Variants in CLHC1 observed in about 807,000 individuals in gnomAD.
CLHC1 encodes clathrin heavy chain linker domain containing 1.
CLHC1 carries 72 observed loss-of-function variants against 69.5 expected under a neutral mutation model. The observed-to-expected ratio is 1.04, with a 90% CI of 0.86 to 1.26. CLHC1 has a LOEUF of 1.26. Among genes scored for constraint, CLHC1 ranks in the 50% most tolerant of loss-of-function variants. CLHC1 has a pLI of 0.00. For missense variants in CLHC1, 790 were observed against 679.3 expected, an observed-to-expected ratio of 1.16 and a Z score of -1.81; for synonymous variants, 223 against 224.3, an observed-to-expected ratio of 0.99 and a Z score of 0.05.
chr2:55,180,662 T>G lies in CLHC1; in HGVS notation c.1232A>C (p.Gln411Pro). 7 of 1,614,068 alleles carry G rather than the reference T, an allele frequency of 4.3e-6. No individual in the cohort carries two copies. The highest frequency in any genetic ancestry group is 5.9e-6 in the Non-Finnish European group (7 of 1,179,966). The change falls in exon 11 of 13, where the codon CAG becomes CCG. Residue 411 changes from glutamine (Q) to proline (P), a missense_variant. By Grantham distance (76) the Gln-to-Pro change is moderately conservative. Transcript: ENST00000401408. ...AGDVICDYGE[Q>P]DTYNKAKCLA... Reference sequence around the variant, plus strand: ...GCACTTGGCCTTGTTATAAGTATCCTGCTCCCCATAATCACAAATCACATC... The same window carrying G: ...GCACTTGGCCTTGTTATAAGTATCCGGCTCCCCATAATCACAAATCACATC...
At chr2:55,199,773 C>G (rs1009449649) in intron 9 of CLHC1, among the ~76,000 whole-genome samples, 3 of 152,038 alleles carry the variant, frequency 2.0e-5, no homozygotes, top group African/African-American at 7.2e-5. Flanking sequence ...GAAATTCAAA[C>G]ATACCACCAG....
Position 55,223,723 on chromosome 2 carries a change from G to T in CLHC1, c.-82-1230C>A, listed in dbSNP as rs544627817. ...CACAGGCACCGCCCCCAGGAGCCTC[G>T]GCAGGGGCCTAGGACGCCCCGGTGT... On this transcript the variant is annotated intron_variant, in intron 2 of 12. Transcript: ENST00000401408. Among the ~76,000 whole-genome samples the T allele has an allele frequency of 7.4e-3, 1,121 of 152,198 alleles. 13 individuals are homozygous for T. The highest frequency in any genetic ancestry group is 0.026 in the African/African-American group (1,074 of 41,542).
At chr2:55,208,774 CAT>C in intron 7 of CLHC1, 64 bp from the exon 8 acceptor site, 1 of 1,145,744 alleles carries the variant, frequency 8.7e-7, no homozygotes, top group Non-Finnish European at 1.3e-6. Flanking sequence ...AAACAATAAA[CAT>C]ACATGTGTTT....
chr2:55,178,247 G>A (rs1300004633), intron 11 of CLHC1, among the ~76,000 whole-genome samples: 1 of 152,024 alleles, frequency 6.6e-6, no homozygotes, highest in Non-Finnish European at 1.5e-5. Flanking sequence ...CTTTCTTTCT[G>A]TGCCTTGCAC....
At chr2:55,211,181 C>T (rs925124565) in intron 5 of CLHC1, among the ~76,000 whole-genome samples, 5 of 152,018 alleles carry the variant, frequency 3.3e-5, no homozygotes, top group Non-Finnish European at 5.9e-5. Context: ...TCTTATTCGT[C>T]ATTTGCTAGT....
chr2:55,212,617 G>A (rs565457384), intron 5 of CLHC1, 56 bp downstream of exon 5: 2 of 1,374,864 alleles, frequency 1.5e-6, no homozygotes, highest in South Asian at 1.2e-5. Flanking sequence ...CATGCCTTAG[G>A]TAAAAATTGG....
intron 5 of CLHC1, among the ~76,000 whole-genome samples, chr2:55,212,235 C>G (rs1000465269): frequency 2.0e-5 from 3 of 152,298 alleles, no homozygotes; most frequent in Non-Finnish European, 2.9e-5. Flanking sequence ...CGAGATCACA[C>G]CACTGCACAC....
chr2:55,221,898 A>C (rs1013131646), intron 3 of CLHC1, among the ~76,000 whole-genome samples: 4 of 152,162 alleles, frequency 2.6e-5, no homozygotes, highest in African/African-American at 9.7e-5. Context: ...GATAACTTGA[A>C]CCCAGGAGTT....
At chr2:55,207,180 G>A (rs992371520) in intron 8 of CLHC1, among the ~76,000 whole-genome samples, 3 of 151,990 alleles carry the variant, frequency 2.0e-5, no homozygotes, top group East Asian at 1.9e-4. Context: ...AGAAGCCTAT[G>A]TTGTTCTGCC....
chr2:55,231,619 G>A (rs946805059), intron 1 of CLHC1, among the ~76,000 whole-genome samples: 1 of 152,126 alleles, frequency 6.6e-6, no homozygotes, highest in Non-Finnish European at 1.5e-5. Flanking sequence ...GAGGGCAGAG[G>A]ATGAAGAAAT....
chr2:55,182,713 A>C (rs1285986182), intron 9 of CLHC1, among the ~76,000 whole-genome samples: 1 of 152,180 alleles, frequency 6.6e-6, no homozygotes, highest in Admixed American at 6.5e-5. Context: ...AAGAGAATTA[A>C]AGTACGAGCA....
rs1372131352 is a variant in CLHC1, at chr2:55,173,212, C to A, written c.*2578G>T. On this transcript the variant is annotated 3_prime_UTR_variant, in exon 13 of 13. Coordinates refer to ENST00000401408, the MANE Select transcript of CLHC1 (RefSeq NM_152385.4). ...TAGAACACATGAACGTTGGTTAAAT[C>A]TTCATTGGAACAATTCAAATGTTAA... 2.6e-5 allele frequency among the ~76,000 whole-genome samples: 4 copies of A among 152,182 alleles called. No homozygotes were observed. Among genetic ancestry groups the A allele is most frequent in the Admixed American group, 2.0e-4 (3 of 15,282 alleles).
chr2:55,197,329 G>A (rs1414015802), intron 9 of CLHC1, among the ~76,000 whole-genome samples: 1 of 152,194 alleles, frequency 6.6e-6, no homozygotes, highest in East Asian at 1.9e-4. Flanking sequence ...TGATTGTAGA[G>A]CCCTAGGGCC....
intron 9 of CLHC1, among the ~76,000 whole-genome samples, chr2:55,196,970 C>T (rs1459038036): frequency 6.6e-6 from 1 of 152,124 alleles, no homozygotes; most frequent in Non-Finnish European, 1.5e-5. Flanking sequence ...AGCCCACTGC[C>T]CTGAGGGGTG....
chr2:55,204,897 G>A (rs1672294261), intron 9 of CLHC1, among the ~76,000 whole-genome samples: 1 of 152,146 alleles, frequency 6.6e-6, no homozygotes, highest in East Asian at 1.9e-4. Flanking sequence ...TTGAACTCAT[G>A]AACACAGTAG....
rs1673736091 is a variant in CLHC1, at chr2:55,217,912, G to A, written c.264C>T (p.Asp88=). The A allele has an allele frequency of 6.2e-7, 1 of 1,601,624 alleles. No individual in the cohort carries two copies. Among genetic ancestry groups the A allele is most frequent in the South Asian group, 1.1e-5 (1 of 89,414 alleles). Residue 88 remains aspartate (D), a synonymous_variant, in exon 4 of 13, where the codon GAC becomes GAT. Transcript: ENST00000401408. ...YDAFIETIKK[D]RRTTFCLHGK... ...CATGAAGACAAAATGTAGTTCTTCG[G>A]TCTTTCTTTATTGTCTCAATAAAGG...
intron 11 of CLHC1, among the ~76,000 whole-genome samples, chr2:55,180,175 A>C (rs10206702): frequency 8.5e-5 from 13 of 152,062 alleles, no homozygotes; most frequent in African/African-American, 2.9e-4. Flanking sequence ...ATATATATAT[A>C]TCTCACAAAT....
intron 9 of CLHC1, among the ~76,000 whole-genome samples, chr2:55,200,123 G>T (rs1020362781): frequency 2.0e-5 from 3 of 151,342 alleles, no homozygotes; most frequent in African/African-American, 7.3e-5. Flanking sequence ...ACTTGACAGG[G>T]TGAGTGAGAT....
chr2:55,203,766 A>G (rs1558484288), intron 9 of CLHC1, among the ~76,000 whole-genome samples: 2 of 152,208 alleles, frequency 1.3e-5, no homozygotes, highest in Non-Finnish European at 2.9e-5. Context: ...TTTCTTGCAT[A>G]ATACCCCATA....
Sources: allele counts gnomAD v4.1 joint callset (sites outside exome capture counted in the v4.1 genomes callset), GRCh38; gene constraint gnomAD v4.1.1; transcripts MANE v1.5; gene names NCBI Gene and HGNC (gene_info 2026-07-23, HGNC 2026-07-21).